FAM120C: variants seen among roughly 807,000 people sequenced by gnomAD.
FAM120C encodes the protein family with sequence similarity 120 member C.
In FAM120C, 14 loss-of-function variants were observed where a neutral mutation model predicts 71.2. The ratio of observed to expected loss-of-function variants is 0.20; its 90% confidence interval spans 0.13 to 0.31. The LOEUF is 0.31. Ranked by LOEUF, FAM120C falls within the 10% of genes least tolerant of loss-of-function variation. The probability of loss-of-function intolerance (pLI) is 1.00; values close to 1 mark genes in which losing one functional copy is unlikely to be tolerated. For synonymous variants in FAM120C, 354 were observed against 353.2 expected (o/e 1.00, Z -0.03); for missense variants, 500 against 879.0 (o/e 0.57, Z 5.45).
intron 1 of FAM120C, among the ~76,000 whole-genome samples, chrX:54,182,085 C>T (rs149595825): frequency 1.3e-4 from 15 of 111,730 alleles, no homozygotes; most frequent in Admixed American, 8.5e-4. Context: ...TGATTTACTG[C>T]GAGGTTGGAA....
intron 15 of FAM120C, among the ~76,000 whole-genome samples, chrX:54,078,835 G>T (rs1268822119): frequency 9.1e-6 from 1 of 110,427 alleles, no homozygotes; most frequent in South Asian, 3.9e-4. Context: ...ATGAGGACCA[G>T]TGGGAACTGT....
chrX:54,183,220 G>T lies in FAM120C; in HGVS notation c.-22C>A, dbSNP rs909747304. 1.1e-5 allele frequency: 11 copies of T among 1,021,689 alleles called. No individual in the cohort carries two copies. The highest frequency in any genetic ancestry group is 1.4e-5 in the Non-Finnish European group (11 of 793,834). The allele number at this position is 1,021,689 out of a possible 1,213,427, so 84.2% of individuals were successfully genotyped here. On this transcript the variant is annotated 5_prime_UTR_variant, in exon 1 of 16. Coordinates refer to ENST00000375180, the MANE Select transcript of FAM120C (RefSeq NM_017848.6). ...CCATGCTTCGTCGGTGGGCAGACGC[G>T]ATAGCGGCTGCGCAAGCAGGATAGG...
Position 54,072,570 on chromosome X carries a change from A to C in FAM120C, c.*463T>G, listed in dbSNP as rs1332820134. The stretch of plus-strand genomic sequence containing the variant: ...GGTAGATACCACTTCATAGAGAAAA[A>C]AAAAAAACAAAAAAAAACCTCAGGA... On this transcript the variant is annotated 3_prime_UTR_variant, in exon 16 of 16. Coordinates refer to ENST00000375180, the MANE Select transcript of FAM120C (RefSeq NM_017848.6). The C allele has an allele frequency of 9.1e-6, 1 of 109,598 alleles. No homozygotes were observed. The highest frequency in any genetic ancestry group is 3.4e-5 in the African/African-American group (1 of 29,770). 9.0% of individuals were successfully genotyped at this position (109,598 alleles called of 1,213,427 possible).
intron 10 of FAM120C, among the ~76,000 whole-genome samples, chrX:54,101,014 C>T (rs1187671685): frequency 9.0e-6 from 1 of 111,630 alleles, no homozygotes; most frequent in Non-Finnish European, 1.9e-5. Context: ...GGCATTGCTA[C>T]AGTAGGGGAT....
intron 1 of FAM120C, among the ~76,000 whole-genome samples, chrX:54,168,248 C>CA (rs782172429): frequency 4.8e-4 from 54 of 111,928 alleles, no homozygotes; most frequent in African/African-American, 1.7e-3. Context: ...GCAACCCTGC[C>CA]ACTGCAGCCT....
intron 12 of FAM120C, 26 bp downstream of exon 12, chrX:54,087,729 T>A (rs782527209): frequency 8.4e-7 from 1 of 1,191,916 alleles, no homozygotes; most frequent in African/African-American, 1.8e-5. Flanking sequence ...TCAGAGCTAG[T>A]CCTTAGCAGC....
chrX:54,115,077 G>T (rs1603355499), intron 10 of FAM120C, among the ~76,000 whole-genome samples: 1 of 111,715 alleles, frequency 9.0e-6, no homozygotes, highest in East Asian at 2.8e-4. Context: ...TTTTTAAAAG[G>T]CTAGTAAAAA....
intron 1 of FAM120C, among the ~76,000 whole-genome samples, chrX:54,173,406 G>A (rs782353749): frequency 1.3e-4 from 15 of 111,485 alleles, no homozygotes; most frequent in Admixed American, 7.6e-4. Flanking sequence ...GCGCCACCAC[G>A]CCCGGCTAAT....
In FAM120C at chrX:54,073,130, C is replaced by A; in HGVS notation, c.3194G>T (p.Cys1065Phe). 1 of 1,211,405 alleles carries A rather than the reference C, an allele frequency of 8.3e-7. No homozygotes were observed. The highest frequency in any genetic ancestry group is 1.7e-5 in the African/African-American group (1 of 57,793). ...AGGGAGGTAGCGGTTACCATTATTA[C>A]ACTCATTGCTGTCTCTGGATAAGGC... ...QCALSRDSNE[C>F]NNGNRYLPMN... is the part of the protein sequence containing the mutation. Residue 1065 changes from cysteine to phenylalanine, a missense_variant, in exon 16 of 16, where the codon TGT becomes TTT. Physicochemically the swap from Cys to Phe is radical, Grantham distance 205 (BLOSUM62 -2). Coordinates refer to ENST00000375180, the MANE Select transcript of FAM120C (RefSeq NM_017848.6).
intron 10 of FAM120C, among the ~76,000 whole-genome samples, chrX:54,097,558 C>A (rs782541607): frequency 3.6e-5 from 4 of 111,869 alleles, no homozygotes; most frequent in East Asian, 2.8e-4. Context: ...ATTCTGATAT[C>A]TAAGTCTTTA....
chrX:54,092,477 G>A (rs1340070357), intron 10 of FAM120C, among the ~76,000 whole-genome samples: 3 of 110,577 alleles, frequency 2.7e-5, no homozygotes, highest in African/African-American at 9.9e-5. Flanking sequence ...CCTGGGAGGC[G>A]AGGGTTACAG....
At chrX:54,171,372 A>C (rs1330826323) in intron 1 of FAM120C, among the ~76,000 whole-genome samples, 4 of 112,025 alleles carry the variant, frequency 3.6e-5, no homozygotes, top group Non-Finnish European at 5.6e-5. Context: ...ACACCACTGC[A>C]CTCCAACCTG....
At position 54,116,607 on chromosome X, in the gene FAM120C, C is replaced by T. The variant is rs782591686; in HGVS notation, c.2250G>A (p.Thr750=). The T allele has an allele frequency of 1.1e-5, 13 of 1,209,800 alleles. No homozygotes were observed. In the South Asian group the frequency reaches 1.9e-4, roughly 18 times the overall value. The change falls in exon 10 of 16, where the codon ACG becomes ACA. Residue 750 remains threonine, a synonymous_variant. Transcript: ENST00000375180. ...CATTAGCTGGATTGAGCATACTGGGCGTGTCCGACTTCATACAGGCCAGGA... is the reference window on the plus strand; with the variant it reads ...CATTAGCTGGATTGAGCATACTGGGTGTGTCCGACTTCATACAGGCCAGGA... ...RAFLACMKSD[T]PSMLNPANVP...
chrX:54,118,612 G>C (rs987369561), intron 9 of FAM120C, among the ~76,000 whole-genome samples: 25 of 106,630 alleles, frequency 2.3e-4, no homozygotes, highest in Non-Finnish European at 4.6e-4. Context: ...TCCGGGATAT[G>C]GTATTATCAC....
intron 10 of FAM120C, among the ~76,000 whole-genome samples, chrX:54,105,639 T>A (rs2066902869): frequency 8.9e-6 from 1 of 111,965 alleles, no homozygotes; most frequent in Non-Finnish European, 1.9e-5. Context: ...GCAGATGACA[T>A]GATTGTATAT....
chrX:54,078,105 G>A (rs1452007925), intron 15 of FAM120C, among the ~76,000 whole-genome samples: 1 of 104,233 alleles, frequency 9.6e-6, no homozygotes, highest in Admixed American at 1.1e-4. Flanking sequence ...TACCACGCCC[G>A]GCTAATTTTT....
chrX:54,183,002 G>T lies in FAM120C; in HGVS notation c.197C>A (p.Pro66Gln). The T allele has an allele frequency of 8.6e-7, 1 of 1,159,188 alleles. No homozygotes were observed. Among genetic ancestry groups the T allele is most frequent in the Non-Finnish European group, 1.1e-6 (1 of 871,286 alleles). Residue 66 changes from proline to glutamine, a missense_variant, in exon 1 of 16, where the codon CCG becomes CAG. Physicochemically the swap from Pro to Gln is moderately conservative, Grantham distance 76. This residue lies in a region of FAM120C where 79 missense variants were observed against 78.3 expected (regional missense o/e 1.01). Coordinates refer to ENST00000375180, the MANE Select transcript of FAM120C (RefSeq NM_017848.6). ...AARGSVPLQP[P>Q]LPPAALGAYS... ...GGCACCCAAGGCAGCGGGCGGAAGC[G>T]GCGGTTGCAGAGGCACGGAGCCCCT...
chrX:54,168,644 G>A (rs938817689), intron 1 of FAM120C, among the ~76,000 whole-genome samples: 3 of 112,007 alleles, frequency 2.7e-5, no homozygotes, highest in Non-Finnish European at 5.6e-5. Context: ...CCACTCACAC[G>A]GAGTAGGCAA....
At chrX:54,159,726 C>A in intron 1 of FAM120C, 110 bp from the exon 2 acceptor site, 3 of 711,979 alleles carry the variant, frequency 4.2e-6, no homozygotes, top group Non-Finnish European at 6.0e-6. Context: ...TGAAATTGTA[C>A]GTGAGAGAAC....
Sources: gnomAD v4.1 joint callset for allele counts (sites outside exome capture counted in the v4.1 genomes callset) on GRCh38, gnomAD v4.1.1 for gene constraint, gnomAD v4.1.1 regional missense constraint, MANE v1.5 for transcripts, NCBI Gene and HGNC (gene_info 2026-07-23, HGNC 2026-07-21) for gene names.